LINC00632: variants seen among roughly 807,000 people sequenced by gnomAD.
The protein encoded by LINC00632 is long independently transcribed non-coding RNA 632.
Position 140,718,935 on chromosome X carries a change from A to T in LINC00632, n.104+7279A>T, listed in dbSNP as rs777758633. ...CACCCCAGAACACCACATTGGCTCC[A>T]CAACACAAGGAACTCACTTCAAAAT... On this transcript the variant is annotated intron_variant and non_coding_transcript_variant, in intron 2 of 4. Transcript: ENST00000648200. 6.3e-5 allele frequency among the ~76,000 whole-genome samples: 7 copies of T among 111,806 alleles called. No homozygotes were observed. The East Asian group carries it at 2.0e-3, about 32-fold the overall frequency.
At chrX:140,773,327 T>C (rs1033021484) in exon 4 of LINC00632, among the ~76,000 whole-genome samples, 1 of 112,023 alleles carries the variant, frequency 8.9e-6, no homozygotes, top group East Asian at 2.8e-4. Context: ...AAGAAGACGA[T>C]TGAGGACAAT....
intron 2 of LINC00632, among the ~76,000 whole-genome samples, chrX:140,723,406 TACACAC>T (rs1309474678): frequency 8.2e-5 from 1 of 12,122 alleles, no homozygotes; most frequent in African/African-American, 1.4e-4. Flanking sequence ...ACACATTCCA[TACACAC>T]ACATTCCATA....
chrX:140,710,662 G>A (rs1264659140), intron 1 of LINC00632, among the ~76,000 whole-genome samples: 1 of 110,576 alleles, frequency 9.0e-6, no homozygotes, highest in Non-Finnish European at 1.9e-5. Flanking sequence ...AAAAAGTGAA[G>A]TGGTGGTTTA....
chrX:140,791,224 A>C (rs763350784), exon 5 of LINC00632, among the ~76,000 whole-genome samples: 2 of 111,842 alleles, frequency 1.8e-5, no homozygotes, highest in East Asian at 5.6e-4. Context: ...TGTTATCAAG[A>C]TGCCTCTTCT....
intron 3 of LINC00632, among the ~76,000 whole-genome samples, chrX:140,758,814 A>T (rs1245749876): frequency 1.8e-5 from 2 of 112,064 alleles, no homozygotes; most frequent in Non-Finnish European, 3.8e-5. Context: ...TGACAGTGAC[A>T]ACTGATGGCT....
At chrX:140,713,080 G>A (rs939618364) in intron 2 of LINC00632, among the ~76,000 whole-genome samples, 8 of 112,002 alleles carry the variant, frequency 7.1e-5, no homozygotes, top group African/African-American at 2.6e-4. Context: ...TGTGGGGCCA[G>A]GGGAGGGGTC....
exon 4 of LINC00632, among the ~76,000 whole-genome samples, chrX:140,773,206 A>AAGAAGAGAAG (rs200954862): frequency 1.5e-4 from 16 of 109,095 alleles, no homozygotes; most frequent in Admixed American, 2.9e-4. Context: ...GAAGAGAAGA[A>AAGAAGAGAAG]AGAAGAGAAG....
At chrX:140,775,977 T>C (rs1290849824) in exon 5 of LINC00632, among the ~76,000 whole-genome samples, 1 of 111,127 alleles carries the variant, frequency 9.0e-6, no homozygotes, top group Admixed American at 9.5e-5. Context: ...GAAACTAGCA[T>C]CAGAATGAAC....
intron 3 of LINC00632, among the ~76,000 whole-genome samples, chrX:140,736,366 ATT>A (rs778427288): frequency 9.6e-6 from 1 of 103,944 alleles, no homozygotes; most frequent in Admixed American, 1.1e-4. Context: ...TAGCATATAC[ATT>A]TTTTTTTCAA....
At chrX:140,762,186 A>G (rs777233864) in intron 3 of LINC00632, among the ~76,000 whole-genome samples, 1 of 101,601 alleles carries the variant, frequency 9.8e-6, no homozygotes, top group East Asian at 3.1e-4. Flanking sequence ...TACAGCTTAT[A>G]GCGACCTCGT....
intron 3 of LINC00632, among the ~76,000 whole-genome samples, chrX:140,760,616 C>T (rs1931581515): frequency 9.0e-6 from 1 of 111,722 alleles, no homozygotes; most frequent in African/African-American, 3.3e-5. Context: ...ACTAAAAATA[C>T]AACGATTAGC....
intron 3 of LINC00632, among the ~76,000 whole-genome samples, chrX:140,749,245 T>A (rs2148392298): frequency 9.0e-6 from 1 of 111,706 alleles, no homozygotes; most frequent in East Asian, 2.8e-4. Flanking sequence ...CCTGTAACAT[T>A]TCATATGTGA....
intron 3 of LINC00632, among the ~76,000 whole-genome samples, chrX:140,760,203 G>C (rs1931576155): frequency 8.9e-6 from 1 of 111,831 alleles, no homozygotes; most frequent in African/African-American, 3.3e-5. Context: ...CATGGTCTAA[G>C]CACTCATTGA....
chrX:140,790,617 C>G (rs1932094431), exon 5 of LINC00632, among the ~76,000 whole-genome samples: 2 of 110,724 alleles, frequency 1.8e-5, no homozygotes, highest in African/African-American at 6.6e-5. Flanking sequence ...TGCTTCAGAC[C>G]TTTGAGTAAC....
exon 5 of LINC00632, chrX:140,783,980 A>C: frequency 8.3e-7 from 1 of 1,210,995 alleles, no homozygotes; most frequent in Non-Finnish European, 1.1e-6. Flanking sequence ...GGTCTTCCAG[A>C]CTATCCATGT....
intron 2 of LINC00632, chrX:140,713,768 C>T (rs1272325023): frequency 8.8e-6 from 3 of 339,705 alleles, no homozygotes; most frequent in South Asian, 5.2e-5. Flanking sequence ...CCCAGAGGCA[C>T]GTATGTACTG....
intron 2 of LINC00632, among the ~76,000 whole-genome samples, chrX:140,718,701 G>A (rs763609032): frequency 2.8e-4 from 31 of 111,320 alleles, no homozygotes; most frequent in Non-Finnish European, 4.5e-4. Context: ...ATGAGCCACC[G>A]CGCCCAGCCT....
chrX:140,767,381 AT>A (rs1931709224), intron 3 of LINC00632, among the ~76,000 whole-genome samples: 1 of 111,185 alleles, frequency 9.0e-6, no homozygotes, highest in Non-Finnish European at 1.9e-5. Flanking sequence ...TTTACCTATT[AT>A]TTTTTTCCAT....
intron 3 of LINC00632, among the ~76,000 whole-genome samples, chrX:140,741,475 G>A (rs1482615266): frequency 8.0e-5 from 9 of 112,128 alleles, no homozygotes; most frequent in Non-Finnish European, 1.3e-4. Flanking sequence ...AGAGGGTTTG[G>A]AAGAGAGAAG....
Sources: gnomAD v4.1 joint callset for allele counts (sites outside exome capture counted in the v4.1 genomes callset) on GRCh38, gnomAD v4.1.1 for gene constraint, MANE v1.5 for transcripts, NCBI Gene and HGNC (gene_info 2026-07-23, HGNC 2026-07-21) for gene names.